The following CABIN1 variants were observed in gnomAD, a reference collection of about 807,000 sequenced individuals.
The protein encoded by CABIN1 is calcineurin-binding protein cabin-1.
CABIN1 carries 133 observed loss-of-function variants against 227.7 expected under a neutral mutation model. The observed-to-expected ratio is 0.58, with a 90% CI of 0.51 to 0.67. CABIN1 has a LOEUF of 0.67. Among genes scored for constraint, CABIN1 ranks in the 30% least tolerant of loss-of-function variants. CABIN1 has a pLI of 0.00. For missense variants in CABIN1, 2,408 were observed against 2,852.5 expected, an observed-to-expected ratio of 0.84 and a Z score of 3.55; for synonymous variants, 1,086 against 1,155.1, an observed-to-expected ratio of 0.94 and a Z score of 1.21.
intron 27 of CABIN1, among the ~76,000 whole-genome samples, chr22:24,114,604 C>A (rs1031360196): frequency 6.6e-6 from 1 of 152,214 alleles, no homozygotes. Flanking sequence ...TTAACCATTA[C>A]CCCACGCTAC....
intron 1 of CABIN1, among the ~76,000 whole-genome samples, chr22:24,014,419 C>A (rs1248148980): frequency 7.2e-6 from 1 of 138,134 alleles, no homozygotes; most frequent in Non-Finnish European, 1.5e-5. Flanking sequence ...AACTGGCCCT[C>A]ATTTTTTTTT....
intron 29 of CABIN1, among the ~76,000 whole-genome samples, chr22:24,138,601 G>A (rs2044558741): frequency 6.6e-6 from 1 of 152,202 alleles, no homozygotes; most frequent in South Asian, 2.1e-4. Context: ...ACAGAACTCA[G>A]AGAAACACAT....
In CABIN1 at chr22:24,136,725, TCACACA is replaced by T. The variant is rs765709835; in HGVS notation, c.4746+2318_4746+2323del. On this transcript the variant is annotated intron_variant, in intron 29 of 36. Coordinates refer to ENST00000263119, the MANE Select transcript of CABIN1 (RefSeq NM_012295.4). Reference sequence around the variant, plus strand: ...TGTCTTTTTTACTACAAACAATACATCACACACACACACGCACACACACACACACAC... The same window carrying T: ...TGTCTTTTTTACTACAAACAATACATCACACACGCACACACACACACACAC... Among the ~76,000 whole-genome samples the T allele has an allele frequency of 2.8e-5, 4 of 143,518 alleles. No individual in the cohort carries two copies. The South Asian group carries it at 9.0e-4, about 32-fold the overall frequency. The allele number at this position is 143,518 out of a possible 152,430, so 94.2% of individuals were successfully genotyped here.
At position 24,071,785 on chromosome 22, in the gene CABIN1, G is replaced by A. The variant is rs532708181; in HGVS notation, c.2476-569G>A. Among the ~76,000 whole-genome samples the A allele has an allele frequency of 9.9e-5, 15 of 152,278 alleles. No individual in the cohort carries two copies. The East Asian group carries it at 2.9e-3, about 29-fold the overall frequency. ...GTCACTTAAGGTACACTGAGCTCCA[G>A]GCCTGTCTCTCCCCCTGGTCTTGTG... is the stretch of plus-strand genomic sequence containing the variant. On this transcript the variant is annotated intron_variant, in intron 17 of 36. Coordinates refer to ENST00000263119, the MANE Select transcript of CABIN1 (RefSeq NM_012295.4).
chr22:24,101,155 C>T (rs1325281138), intron 26 of CABIN1, among the ~76,000 whole-genome samples: 1 of 152,218 alleles, frequency 6.6e-6, no homozygotes, highest in African/African-American at 2.4e-5. Context: ...GAGAGGGAGC[C>T]AGGCGTCAGG....
intron 26 of CABIN1, among the ~76,000 whole-genome samples, chr22:24,108,863 A>C (rs2042657817): frequency 6.6e-6 from 1 of 152,226 alleles, no homozygotes; most frequent in African/African-American, 2.4e-5. Flanking sequence ...GGCATCAGCA[A>C]AACCCTCTGC....
At chr22:24,066,087 G>A (rs895048555) in intron 15 of CABIN1, among the ~76,000 whole-genome samples, 1 of 152,212 alleles carries the variant, frequency 6.6e-6, no homozygotes, top group African/African-American at 2.4e-5. Flanking sequence ...GTATTTTTTA[G>A]TCAAAGGTTT....
intron 18 of CABIN1, among the ~76,000 whole-genome samples, chr22:24,074,545 G>A (rs1217835592): frequency 6.6e-6 from 1 of 152,200 alleles, no homozygotes; most frequent in Non-Finnish European, 1.5e-5. Flanking sequence ...GAGGCAGGAA[G>A]AGCCACAGGA....
At chr22:24,155,214 T>A (rs1346981428) in intron 29 of CABIN1, among the ~76,000 whole-genome samples, 2 of 152,116 alleles carry the variant, frequency 1.3e-5, no homozygotes, top group Non-Finnish European at 2.9e-5. Flanking sequence ...ACACTGGAGC[T>A]GTGAGTACCA....
chr22:24,058,879 A>G (rs968004695), intron 10 of CABIN1, among the ~76,000 whole-genome samples: 1 of 152,176 alleles, frequency 6.6e-6, no homozygotes, highest in Non-Finnish European at 1.5e-5. Context: ...TAGTTTGTGT[A>G]CCTGCTTATT....
Position 24,050,777 on chromosome 22 carries a change from G to A in CABIN1, c.657-48G>A, listed in dbSNP as rs375804216. The A allele has an allele frequency of 6.2e-6, 10 of 1,612,322 alleles. No homozygotes were observed. In the African/African-American group the frequency reaches 1.3e-4, roughly 22 times the overall value. ...TTTTGTGTGTAAAATTTCAGCCTCAGTTTTAGTTTGTAACATGATAATTTC... is the reference window on the plus strand; with the variant it reads ...TTTTGTGTGTAAAATTTCAGCCTCAATTTTAGTTTGTAACATGATAATTTC... On this transcript the variant is annotated intron_variant, in intron 7 of 36. Transcript: ENST00000263119.
chr22:24,076,300 T>C lies in CABIN1; in HGVS notation c.2748+16T>C, dbSNP rs1034305412. 1.9e-6 allele frequency: 3 copies of C among 1,595,312 alleles called. No homozygotes were observed. Among genetic ancestry groups the C allele is most frequent in the Non-Finnish European group, 2.6e-6 (3 of 1,162,886 alleles). On this transcript the variant is annotated intron_variant, in intron 19 of 36. Coordinates refer to ENST00000263119, the MANE Select transcript of CABIN1 (RefSeq NM_012295.4). ...GCGATTCTATGTAAGTGCTTCCCCT[T>C]GGGCTGCAGACTGCCAGTGCGGGGC... is the stretch of plus-strand genomic sequence containing the variant.
intron 24 of CABIN1, among the ~76,000 whole-genome samples, chr22:24,092,847 C>G (rs988650923): frequency 9.2e-5 from 14 of 152,152 alleles, no homozygotes; most frequent in Admixed American, 8.5e-4. Flanking sequence ...GAATTTTTTC[C>G]TATTAACATA....
At chr22:24,110,401 C>T (rs973899103) in intron 26 of CABIN1, among the ~76,000 whole-genome samples, 1 of 152,162 alleles carries the variant, frequency 6.6e-6, no homozygotes, top group Non-Finnish European at 1.5e-5. Flanking sequence ...CAATACATTG[C>T]TACTATTTTT....
rs538237191 is a variant in CABIN1, at chr22:24,137,084, C to T, written c.4746+2669C>T. Among the ~76,000 whole-genome samples the T allele has an allele frequency of 4.6e-5, 7 of 152,250 alleles. No individual in the cohort carries two copies. The South Asian group carries it at 1.0e-3, about 23-fold the overall frequency. Reference sequence around the variant, plus strand: ...TAACTGTAGGAATCAAGTTAGATACCGGGGTAATATTTCTAACACAGGATC... The same window carrying T: ...TAACTGTAGGAATCAAGTTAGATACTGGGGTAATATTTCTAACACAGGATC... On this transcript the variant is annotated intron_variant, in intron 29 of 36. Coordinates refer to ENST00000263119, the MANE Select transcript of CABIN1 (RefSeq NM_012295.4).
chr22:24,076,036 A>T, intron 18 of CABIN1, 133 bp from the exon 19 acceptor site: 1 of 639,866 alleles, frequency 1.6e-6, no homozygotes. Context: ...AAAAAAAAAA[A>T]GGGAAAGGAA....
At chr22:24,063,916 T>C in intron 14 of CABIN1, 119 bp from the exon 15 acceptor site, 6 of 1,219,812 alleles carry the variant, frequency 4.9e-6, no homozygotes, top group Non-Finnish European at 7.2e-6. Context: ...TACAGTGTAA[T>C]TGGTAAAAAA....
chr22:24,146,349 C>G (rs935193373), intron 29 of CABIN1, among the ~76,000 whole-genome samples: 1 of 152,202 alleles, frequency 6.6e-6, no homozygotes, highest in Non-Finnish European at 1.5e-5. Context: ...AATGTATCCC[C>G]GAGCTCTCCT....
intron 26 of CABIN1, 155 bp downstream of exon 26, chr22:24,098,347 ATTC>A: frequency 6.9e-7 from 1 of 1,440,082 alleles, no homozygotes; most frequent in Admixed American, 2.0e-5. Context: ...AACCTCATGG[ATTC>A]ACAGTGATTC....
Sources: gnomAD v4.1 joint callset for allele counts (sites outside exome capture counted in the v4.1 genomes callset) on GRCh38, gnomAD v4.1.1 for gene constraint, MANE v1.5 for transcripts, NCBI Gene and HGNC (gene_info 2026-07-23, HGNC 2026-07-21) for gene names.